The following FBXL7 variants were observed in gnomAD, a reference collection of about 807,000 sequenced individuals.
FBXL7 encodes the protein F-box and leucine rich repeat protein 7, also known as F-box/LRR-repeat protein 7.
Under a neutral mutation model 38.3 loss-of-function variants are expected in FBXL7, and 12 were observed. The observed-to-expected ratio is 0.31, with a 90% CI of 0.20 to 0.51. The LOEUF (loss-of-function observed/expected upper bound fraction) is 0.51, where lower values mean the gene tolerates loss of function less well. FBXL7 is among the 20% of genes least tolerant of loss of function. The pLI, the probability that FBXL7 is intolerant of heterozygous loss-of-function variation, is 0.98. For missense variants in FBXL7, 567 were observed against 676.4 expected, an observed-to-expected ratio of 0.84 and a Z score of 1.79; for synonymous variants, 297 against 300.9, an observed-to-expected ratio of 0.99 and a Z score of 0.13.
At chr5:15,594,701 G>A (rs539792960) in intron 1 of FBXL7, among the ~76,000 whole-genome samples, 2 of 152,346 alleles carry the variant, frequency 1.3e-5, no homozygotes, top group South Asian at 2.1e-4. Flanking sequence ...CGGGAATCAG[G>A]TTTTCAGAGT....
intron 2 of FBXL7, among the ~76,000 whole-genome samples, chr5:15,782,374 C>T (rs1737020433): frequency 6.6e-6 from 1 of 152,162 alleles, no homozygotes; most frequent in Non-Finnish European, 1.5e-5. Flanking sequence ...AATGGTATTT[C>T]TAGTTCCAGA....
chr5:15,845,579 A>C (rs1443794424), intron 2 of FBXL7, among the ~76,000 whole-genome samples: 1 of 152,224 alleles, frequency 6.6e-6, no homozygotes, highest in Non-Finnish European at 1.5e-5. Context: ...AGATACAGCA[A>C]AATGCCATGT....
At chr5:15,682,052 T>C (rs561664336) in intron 2 of FBXL7, among the ~76,000 whole-genome samples, 1 of 152,228 alleles carries the variant, frequency 6.6e-6, no homozygotes, top group Non-Finnish European at 1.5e-5. Flanking sequence ...TATCAGCCAC[T>C]TAATATACTA....
At chr5:15,762,707 A>G (rs1430141545) in intron 2 of FBXL7, among the ~76,000 whole-genome samples, 1 of 150,230 alleles carries the variant, frequency 6.7e-6, no homozygotes, top group East Asian at 1.9e-4. Flanking sequence ...TGCTGAGAGA[A>G]TGAAATATTT....
At chr5:15,837,260 C>G (rs1738619465) in intron 2 of FBXL7, among the ~76,000 whole-genome samples, 1 of 152,148 alleles carries the variant, frequency 6.6e-6, no homozygotes, top group East Asian at 1.9e-4. Flanking sequence ...AATCTTAATC[C>G]TTTCATAAAG....
chr5:15,630,907 A>G (rs1022903081), intron 2 of FBXL7, among the ~76,000 whole-genome samples: 8 of 152,172 alleles, frequency 5.3e-5, no homozygotes, highest in Non-Finnish European at 1.2e-4. Context: ...TTCTCTTTAA[A>G]CAATGAATAA....
intron 2 of FBXL7, among the ~76,000 whole-genome samples, chr5:15,835,966 C>T (rs1206917639): frequency 6.6e-6 from 1 of 152,136 alleles, no homozygotes; most frequent in Non-Finnish European, 1.5e-5. Context: ...GTACCTCCAG[C>T]CTGGTCAAAA....
chr5:15,734,341 T>C (rs1448373535), intron 2 of FBXL7, among the ~76,000 whole-genome samples: 1 of 152,338 alleles, frequency 6.6e-6, no homozygotes, highest in South Asian at 2.1e-4. Context: ...ATACTGCTCC[T>C]CTGGGGCTGG....
At chr5:15,837,931 G>A (rs931903721) in intron 2 of FBXL7, among the ~76,000 whole-genome samples, 36 of 152,110 alleles carry the variant, frequency 2.4e-4, no homozygotes, top group Non-Finnish European at 2.2e-4. Context: ...GCACAATACA[G>A]AACTATAAAT....
At chr5:15,580,842 C>T (rs1472571736) in intron 1 of FBXL7, 2 of 981,514 alleles carry the variant, frequency 2.0e-6, no homozygotes, top group East Asian at 2.3e-4. Flanking sequence ...TGGAGACTAT[C>T]CCAGCGACAC....
chr5:15,679,453 A>T (rs1305811916), intron 2 of FBXL7, among the ~76,000 whole-genome samples: 1 of 151,652 alleles, frequency 6.6e-6, no homozygotes, highest in Non-Finnish European at 1.5e-5. Flanking sequence ...CAGTTTGTTT[A>T]TTGACTAAGT....
intron 2 of FBXL7, among the ~76,000 whole-genome samples, chr5:15,868,551 C>T (rs889242921): frequency 6.6e-6 from 1 of 152,188 alleles, no homozygotes; most frequent in Non-Finnish European, 1.5e-5. Context: ...TGAGTGGCCA[C>T]ATTCTGTACA....
intron 1 of FBXL7, among the ~76,000 whole-genome samples, chr5:15,565,607 T>C (rs1338610051): frequency 6.6e-6 from 1 of 151,926 alleles, no homozygotes; most frequent in African/African-American, 2.4e-5. Flanking sequence ...TATATATATG[T>C]ATATATATTG....
At chr5:15,826,920 GC>G (rs1247395099) in intron 2 of FBXL7, among the ~76,000 whole-genome samples, 1 of 149,458 alleles carries the variant, frequency 6.7e-6, no homozygotes, top group African/African-American at 2.5e-5. Context: ...TGTACCTGTG[GC>G]TTTTTTTTTT....
chr5:15,623,665 A>T (rs903097742), intron 2 of FBXL7, among the ~76,000 whole-genome samples: 1 of 152,200 alleles, frequency 6.6e-6, no homozygotes, highest in African/African-American at 2.4e-5. Context: ...ATTTACATGA[A>T]TCATCTAGGG....
intron 2 of FBXL7, among the ~76,000 whole-genome samples, chr5:15,787,782 C>T (rs1737168598): frequency 2.0e-5 from 3 of 152,150 alleles, no homozygotes; most frequent in African/African-American, 4.8e-5. Context: ...ATGCCTTGGA[C>T]ATGCCCTGGT....
intron 2 of FBXL7, among the ~76,000 whole-genome samples, chr5:15,880,324 T>C (rs1198284905): frequency 6.6e-6 from 1 of 152,198 alleles, no homozygotes; most frequent in Non-Finnish European, 1.5e-5. Context: ...CACCAGACGT[T>C]TTTAGCACTA....
chr5:15,675,818 C>T (rs1385822491), intron 2 of FBXL7, among the ~76,000 whole-genome samples: 6 of 152,136 alleles, frequency 3.9e-5, no homozygotes. Flanking sequence ...AGATTTCTTT[C>T]GACACCGAAG....
chr5:15,635,652 G>T (rs755853705), intron 2 of FBXL7, among the ~76,000 whole-genome samples: 18 of 152,206 alleles, frequency 1.2e-4, no homozygotes, highest in Non-Finnish European at 1.9e-4. Flanking sequence ...TTCAAGAAAT[G>T]CCTGTGTGTA....
Sources: gnomAD v4.1 joint callset for allele counts (sites outside exome capture counted in the v4.1 genomes callset) on GRCh38, gnomAD v4.1.1 for gene constraint, MANE v1.5 for transcripts, NCBI Gene and HGNC (gene_info 2026-07-23, HGNC 2026-07-21) for gene names.